WNT3A: variants seen among roughly 807,000 people sequenced by gnomAD.
The protein encoded by WNT3A is Wnt family member 3A.
Under a neutral mutation model 37.0 loss-of-function variants are expected in WNT3A, and 17 were observed. The ratio of observed to expected loss-of-function variants is 0.46; its 90% confidence interval spans 0.31 to 0.69. The LOEUF (loss-of-function observed/expected upper bound fraction) is 0.69, where lower values mean the gene tolerates loss of function less well. WNT3A is among the 30% of genes least tolerant of loss of function. The pLI, the probability that WNT3A is intolerant of heterozygous loss-of-function variation, is 0.05. For missense variants in WNT3A, 411 were observed against 510.2 expected, an observed-to-expected ratio of 0.81 and a Z score of 1.87; for synonymous variants, 187 against 211.0, an observed-to-expected ratio of 0.89 and a Z score of 0.99.
intron 1 of WNT3A, among the ~76,000 whole-genome samples, chr1:228,021,963 G>A (rs1288425248): frequency 6.6e-6 from 1 of 152,242 alleles, no homozygotes; most frequent in Non-Finnish European, 1.5e-5. Context: ...ATCATTTCCT[G>A]TTACAGATCT....
intron 2 of WNT3A, 66 bp downstream of exon 2, chr1:228,022,974 G>T: frequency 6.5e-7 from 1 of 1,542,770 alleles, no homozygotes; most frequent in Non-Finnish European, 8.8e-7. Context: ...GCCTAGCGCT[G>T]CCTGACATTC....
intron 3 of WNT3A, among the ~76,000 whole-genome samples, chr1:228,053,436 C>CA (rs1163194209): frequency 6.6e-6 from 1 of 151,882 alleles, no homozygotes; most frequent in African/African-American, 2.4e-5. Context: ...TTAAACAGTC[C>CA]AAAAAAGCAC....
intron 1 of WNT3A, among the ~76,000 whole-genome samples, chr1:228,021,944 C>A (rs554414750): frequency 6.6e-6 from 1 of 152,200 alleles, no homozygotes; most frequent in African/African-American, 2.4e-5. Flanking sequence ...AGCAGGAATG[C>A]GGGGCTGCAT....
At chr1:228,047,103 A>G (rs1253844885) in intron 2 of WNT3A, among the ~76,000 whole-genome samples, 1 of 152,134 alleles carries the variant, frequency 6.6e-6, no homozygotes, top group Non-Finnish European at 1.5e-5. Context: ...TCAGGACTGG[A>G]CAGTCTCCAG....
chr1:228,011,258 C>G (rs1571790275), intron 1 of WNT3A, among the ~76,000 whole-genome samples: 1 of 152,030 alleles, frequency 6.6e-6, no homozygotes, highest in South Asian at 2.1e-4. Flanking sequence ...AGGGGCCAGT[C>G]GAGCAGGGCA....
At chr1:228,058,645 C>G (rs117608862) in intron 3 of WNT3A, among the ~76,000 whole-genome samples, 1 of 152,370 alleles carries the variant, frequency 6.6e-6, no homozygotes, top group East Asian at 1.9e-4. Context: ...CCCCCTGCAT[C>G]CCTGCACTCT....
intron 1 of WNT3A, among the ~76,000 whole-genome samples, chr1:228,017,478 C>T (rs996197732): frequency 5.3e-5 from 8 of 152,050 alleles, no homozygotes; most frequent in Admixed American, 3.9e-4. Flanking sequence ...TTTGGAAGGC[C>T]GAGGCGGGAG....
chr1:228,048,795 A>C (rs761210534), intron 2 of WNT3A, among the ~76,000 whole-genome samples: 106 of 151,678 alleles, frequency 7.0e-4, no homozygotes, highest in Non-Finnish European at 1.4e-3. Flanking sequence ...AAGTGTCTGC[A>C]TACACCCACC....
intron 2 of WNT3A, among the ~76,000 whole-genome samples, chr1:228,041,782 C>T (rs2031290976): frequency 6.6e-6 from 1 of 152,218 alleles, no homozygotes; most frequent in Non-Finnish European, 1.5e-5. Context: ...AAACCTAACA[C>T]ACACACCAAC....
chr1:228,057,015 A>C (rs983388217), intron 3 of WNT3A, among the ~76,000 whole-genome samples: 14 of 152,258 alleles, frequency 9.2e-5, no homozygotes, highest in Admixed American at 8.5e-4. Flanking sequence ...GGAAAAAAAA[A>C]TCTGCAAGAA....
Position 228,059,745 on chromosome 1 carries a change from T to C in WNT3A, c.*280T>C, listed in dbSNP as rs562684180. 6.0e-4 allele frequency: 741 copies of C among 1,225,882 alleles called. 7 individuals are homozygous for C. The African/African-American group carries it at 0.011, about 19-fold the overall frequency. 75.9% of individuals were successfully genotyped at this position (1,225,882 alleles called of 1,614,324 possible). A position where few individuals can be genotyped will look rare whatever the true frequency, so the allele number is the denominator to read the frequency against. On this transcript the variant is annotated 3_prime_UTR_variant, in exon 4 of 4. Coordinates refer to ENST00000284523, the MANE Select transcript of WNT3A (RefSeq NM_033131.4). The stretch of plus-strand genomic sequence containing the variant: ...GTTGGCTTCTCCCTGGGGACGGGGC[T>C]CCCCTGGACAGAGGCGGGGCTACAG...
chr1:228,046,942 AAGG>A (rs1402422338), intron 2 of WNT3A, among the ~76,000 whole-genome samples: 4 of 152,078 alleles, frequency 2.6e-5, no homozygotes, highest in African/African-American at 9.7e-5. Flanking sequence ...CATGTGGTGG[AAGG>A]AGGAAGCTGG....
intron 3 of WNT3A, among the ~76,000 whole-genome samples, chr1:228,054,684 A>G (rs375445596): frequency 8.0e-5 from 12 of 149,860 alleles, no homozygotes; most frequent in Admixed American, 1.3e-4. Flanking sequence ...AAGATAATCT[A>G]TCACATGATC....
intron 2 of WNT3A, among the ~76,000 whole-genome samples, chr1:228,040,183 G>A (rs2031244553): frequency 6.6e-6 from 1 of 152,210 alleles, no homozygotes; most frequent in Non-Finnish European, 1.5e-5. Flanking sequence ...TGAGTTCAGG[G>A]ACCTCTCTTG....
In WNT3A at chr1:228,060,064, G is replaced by A. The variant is rs1427173461; in HGVS notation, c.*599G>A. ...CCCCTTCCACGGGGGCTGTGGCTCT[G>A]GGTGGGCGTGGCCTGCATAGGCTCC... is the stretch of plus-strand genomic sequence containing the variant. On this transcript the variant is annotated 3_prime_UTR_variant, in exon 4 of 4. Coordinates refer to ENST00000284523, the MANE Select transcript of WNT3A (RefSeq NM_033131.4). 3 of 1,202,104 alleles carry A rather than the reference G, an allele frequency of 2.5e-6. No homozygotes were observed. Among genetic ancestry groups the A allele is most frequent in the Non-Finnish European group, 3.2e-6 (3 of 945,958 alleles). 74.5% of individuals were successfully genotyped at this position (1,202,104 alleles called of 1,614,324 possible). A position where few individuals can be genotyped will look rare whatever the true frequency, so the allele number is the denominator to read the frequency against.
rs146574482 is a variant in WNT3A, at chr1:228,059,258, C to T, written c.852C>T (p.Asn284=). ...CCTCGCCCAACTTCTGCGAGCCCAA[C>T]CCTGAGACGGGCTCCTTCGGCACGC... ...YEASPNFCEP[N]PETGSFGTRD... is the part of the protein sequence containing the mutation. Residue 284 remains asparagine, a synonymous_variant, in exon 4 of 4, where the codon AAC becomes AAT. Transcript: ENST00000284523. 33 of 1,607,144 alleles carry T rather than the reference C, an allele frequency of 2.1e-5. No individual in the cohort carries two copies. In the African/African-American group the frequency reaches 4.4e-4, roughly 21 times the overall value.
chr1:228,054,678 T>A (rs1571816071), intron 3 of WNT3A, among the ~76,000 whole-genome samples: 13 of 105,302 alleles, frequency 1.2e-4, no homozygotes, highest in Non-Finnish European at 1.6e-4. Flanking sequence ...CAATCAAAGA[T>A]AATCTATCAC....
At chr1:228,018,009 A>G (rs1281103884) in intron 1 of WNT3A, among the ~76,000 whole-genome samples, 1 of 152,262 alleles carries the variant, frequency 6.6e-6, no homozygotes, top group East Asian at 1.9e-4. Context: ...TGGCTAACGC[A>G]GACTGACCTC....
rs762296719 is a variant in WNT3A at position 228,038,161 on chromosome 1, C to T, written c.314-12495C>T. 4.9e-4 allele frequency among the ~76,000 whole-genome samples: 74 copies of T among 152,188 alleles called. No homozygotes were observed. The highest frequency in any genetic ancestry group is 8.5e-4 in the Admixed American group (13 of 15,300). On this transcript the variant is annotated intron_variant, in intron 2 of 3. Coordinates refer to ENST00000284523, the MANE Select transcript of WNT3A (RefSeq NM_033131.4). This position sits in a 1 kb window ranked among gnomAD's most constrained non-coding sequence, Gnocchi z 5.7. ...TCAGGTGGCTCCGGGGCCTTTTGTG[C>T]AGGCCATGATTACCAAATGCCACCG...
Sources: allele counts gnomAD v4.1 joint callset (sites outside exome capture counted in the v4.1 genomes callset), GRCh38; gene constraint gnomAD v4.1.1; non-coding constraint Gnocchi (gnomAD v3.1); transcripts MANE v1.5; gene names NCBI Gene and HGNC (gene_info 2026-07-23, HGNC 2026-07-21).